Variants in NBAS observed in about 807,000 individuals in gnomAD.
NBAS encodes the protein NBAS subunit of NRZ tethering complex.
Under a neutral mutation model 302.5 loss-of-function variants are expected in NBAS, and 219 were observed. The observed-to-expected ratio is 0.72, with a 90% CI of 0.65 to 0.81. The LOEUF is 0.81. NBAS is among the 30% of genes least tolerant of loss of function. NBAS has a pLI of 0.00. For synonymous variants in NBAS, 1,118 were observed against 1,021.6 expected (o/e 1.09, Z -1.80); for missense variants, 2,932 against 2,841.6 (o/e 1.03, Z -0.72).
At chr2:14,779,166 A>G in the NBAS span, among the ~76,000 whole-genome samples, 1 of 152,208 alleles carries the variant, frequency 6.6e-6, no homozygotes, top group Admixed American at 6.5e-5. Context: ...GAAACAGAAA[A>G]GAGTGGGTAG....
the NBAS span, among the ~76,000 whole-genome samples, chr2:14,813,971 C>T: frequency 2.4e-4 from 36 of 152,346 alleles, no homozygotes; most frequent in Admixed American, 1.8e-3. Context: ...ACTGCTCCAG[C>T]TCTTCTAGTC....
At chr2:15,406,450 T>A (rs969792852) in intron 25 of NBAS, among the ~76,000 whole-genome samples, 2 of 152,082 alleles carry the variant, frequency 1.3e-5, no homozygotes, top group African/African-American at 4.8e-5. Flanking sequence ...AATAAAACCA[T>A]GCAAGTACTA....
the NBAS span, among the ~76,000 whole-genome samples, chr2:14,817,140 C>T: frequency 3.3e-5 from 5 of 152,202 alleles, no homozygotes; most frequent in South Asian, 2.1e-4. Flanking sequence ...CCAAACCAAC[C>T]CATGTCAGTG....
chr2:15,048,283 T>C, the NBAS span, among the ~76,000 whole-genome samples: 1 of 152,216 alleles, frequency 6.6e-6, no homozygotes, highest in Admixed American at 6.5e-5. Context: ...AGTCCATCCG[T>C]GCCGGATGCT....
intron 9 of NBAS, among the ~76,000 whole-genome samples, chr2:15,517,936 T>C (rs1662478628): frequency 6.6e-6 from 1 of 152,186 alleles, no homozygotes; most frequent in Admixed American, 6.5e-5. Context: ...ACTGAATGTG[T>C]ATTGCTTCTG....
the NBAS span, among the ~76,000 whole-genome samples, chr2:14,813,912 A>G: frequency 6.6e-5 from 10 of 152,198 alleles, no homozygotes; most frequent in Middle Eastern, 3.2e-3. Context: ...GGCCAGGCCC[A>G]TGGCCCCACT....
At chr2:14,996,269 C>T in the NBAS span, among the ~76,000 whole-genome samples, 1 of 152,136 alleles carries the variant, frequency 6.6e-6, no homozygotes, top group Non-Finnish European at 1.5e-5. Context: ...TATTTTAAGA[C>T]TTTTCATATA....
the NBAS span, among the ~76,000 whole-genome samples, chr2:14,923,304 A>G: frequency 6.6e-6 from 1 of 152,162 alleles, no homozygotes; most frequent in South Asian, 2.1e-4. Flanking sequence ...TTTCTTTTAG[A>G]GGCTCATAGT....
At chr2:14,905,467 G>A in the NBAS span, among the ~76,000 whole-genome samples, 84 of 152,258 alleles carry the variant, frequency 5.5e-4, no homozygotes, top group African/African-American at 2.0e-3. Flanking sequence ...GTCCCGCTCG[G>A]TGGCTGCGGG....
the NBAS span, among the ~76,000 whole-genome samples, chr2:15,010,643 T>C: frequency 1.3e-5 from 2 of 152,194 alleles, no homozygotes; most frequent in Non-Finnish European, 2.9e-5. Flanking sequence ...CCCAGGGTCT[T>C]ATGGTAAATA....
chr2:15,288,386 G>A (rs978400410), intron 41 of NBAS, among the ~76,000 whole-genome samples: 1 of 152,182 alleles, frequency 6.6e-6, no homozygotes, highest in Non-Finnish European at 1.5e-5. Flanking sequence ...ACTGCAAGTA[G>A]GAGGATAAAC....
intron 44 of NBAS, among the ~76,000 whole-genome samples, chr2:15,256,443 T>C (rs1449583701): frequency 2.0e-5 from 3 of 152,204 alleles, no homozygotes; most frequent in Non-Finnish European, 4.4e-5. Context: ...TAGAAGCTTT[T>C]TGGATGAGTC....
intron 38 of NBAS, among the ~76,000 whole-genome samples, chr2:15,326,689 GAAGAA>G (rs1163439615): frequency 6.6e-6 from 1 of 152,038 alleles, no homozygotes; most frequent in African/African-American, 2.4e-5. Context: ...GCTTTTTGGA[GAAGAA>G]AAGAAACATA....
At chr2:15,093,173 T>C in the NBAS span, among the ~76,000 whole-genome samples, 5 of 152,138 alleles carry the variant, frequency 3.3e-5, no homozygotes, top group Admixed American at 6.5e-5. Context: ...TCCAGCACTT[T>C]GGGAGGCGGA....
intron 51 of NBAS, chr2:15,177,890 C>G (rs1664626942): frequency 3.4e-6 from 1 of 296,684 alleles, no homozygotes; most frequent in South Asian, 3.3e-5. Context: ...ACGGTATTCA[C>G]AAAACCCTTG....
chr2:14,824,051 G>C, the NBAS span, among the ~76,000 whole-genome samples: 2 of 152,224 alleles, frequency 1.3e-5, no homozygotes, highest in Admixed American at 6.5e-5. Context: ...CCCAGAGCCA[G>C]AGGGGCAACC....
At chr2:15,542,753 G>T (rs538416338) in intron 6 of NBAS, among the ~76,000 whole-genome samples, 2 of 152,216 alleles carry the variant, frequency 1.3e-5, no homozygotes, top group East Asian at 3.9e-4. Context: ...AAACCAGCAA[G>T]ATGACAATTT....
the NBAS span, among the ~76,000 whole-genome samples, chr2:14,989,668 T>C: frequency 5.3e-5 from 8 of 152,280 alleles, no homozygotes; most frequent in East Asian, 1.5e-3. Context: ...CAGAAGATAT[T>C]GACATTGACC....
the NBAS span, among the ~76,000 whole-genome samples, chr2:14,970,215 T>G: frequency 6.6e-6 from 1 of 152,230 alleles, no homozygotes; most frequent in Non-Finnish European, 1.5e-5. Context: ...GTGAGCTTTG[T>G]CATTGGAGAA....
Sources: allele counts gnomAD v4.1 joint callset (sites outside exome capture counted in the v4.1 genomes callset), GRCh38; gene constraint gnomAD v4.1.1; transcripts MANE v1.5; gene names NCBI Gene and HGNC (gene_info 2026-07-23, HGNC 2026-07-21).